UNC13C: variants seen among roughly 807,000 people sequenced by gnomAD.
UNC13C encodes the protein protein unc-13 homolog C.
Under a neutral mutation model 245.4 loss-of-function variants are expected in UNC13C, and 174 were observed. The ratio of observed to expected loss-of-function variants is 0.71; its 90% confidence interval spans 0.63 to 0.80. UNC13C has a LOEUF of 0.80. UNC13C is among the 30% of genes least tolerant of loss of function. The pLI, the probability that UNC13C is intolerant of heterozygous loss-of-function variation, is 0.00. For synonymous variants in UNC13C, 992 were observed against 895.1 expected (o/e 1.11, Z -1.93); for missense variants, 2,829 against 2,602.9 (o/e 1.09, Z -1.89).
At chr15:54,358,724 G>A (rs2039156986) in intron 17 of UNC13C, among the ~76,000 whole-genome samples, 1 of 151,864 alleles carries the variant, frequency 6.6e-6, no homozygotes, top group Non-Finnish European at 1.5e-5. Context: ...TGGAGTCTTT[G>A]GGATTTTCTG....
chr15:54,210,381 T>C (rs1052631610), intron 4 of UNC13C, among the ~76,000 whole-genome samples: 1 of 151,922 alleles, frequency 6.6e-6, no homozygotes, highest in African/African-American at 2.4e-5. Flanking sequence ...AGCATGGTCA[T>C]AAATGAGGAT....
intron 26 of UNC13C, among the ~76,000 whole-genome samples, chr15:54,534,318 C>A (rs147491134): frequency 1.3e-5 from 2 of 152,224 alleles, no homozygotes; most frequent in Non-Finnish European, 2.9e-5. Context: ...TAAGCCTTGG[C>A]CCCCTGAAAT....
At chr15:54,347,246 G>A (rs73415766) in intron 17 of UNC13C, among the ~76,000 whole-genome samples, 31,892 of 152,024 alleles carry the variant, frequency 0.21, 3,979 homozygotes, top group East Asian at 0.61. Flanking sequence ...ACCACTCAGC[G>A]AAAGAACTTT....
intron 17 of UNC13C, among the ~76,000 whole-genome samples, chr15:54,376,827 C>T (rs1292358889): frequency 2.0e-5 from 3 of 152,098 alleles, no homozygotes; most frequent in Non-Finnish European, 4.4e-5. Context: ...TTCATGATGT[C>T]CCCCAGAAAG....
chr15:54,193,469 A>G (rs1478741700), intron 4 of UNC13C, among the ~76,000 whole-genome samples: 1 of 151,898 alleles, frequency 6.6e-6, no homozygotes, highest in Non-Finnish European at 1.5e-5. Flanking sequence ...ACCTTTTACT[A>G]CTTCCTTATT....
At chr15:54,046,760 A>C (rs980042473) in intron 2 of UNC13C, among the ~76,000 whole-genome samples, 5 of 151,958 alleles carry the variant, frequency 3.3e-5, no homozygotes, top group Admixed American at 1.3e-4. Flanking sequence ...TATAAACAGT[A>C]CAACTTATAA....
chr15:54,537,269 C>A (rs1414652129), intron 26 of UNC13C, among the ~76,000 whole-genome samples: 2 of 151,864 alleles, frequency 1.3e-5, no homozygotes, highest in Non-Finnish European at 2.9e-5. Flanking sequence ...AGAAATACAG[C>A]TAATGAGAGA....
At chr15:54,521,446 T>C (rs994885979) in intron 24 of UNC13C, among the ~76,000 whole-genome samples, 1 of 152,228 alleles carries the variant, frequency 6.6e-6, no homozygotes, top group Non-Finnish European at 1.5e-5. Flanking sequence ...TTCAAGAGTT[T>C]ATATTGAGCT....
intron 10 of UNC13C, among the ~76,000 whole-genome samples, chr15:54,291,308 T>C (rs1439102973): frequency 6.6e-6 from 1 of 152,012 alleles, no homozygotes; most frequent in Non-Finnish European, 1.5e-5. Flanking sequence ...AGACACAATG[T>C]CATGGATTAA....
chr15:53,841,637 T>A, the UNC13C span, among the ~76,000 whole-genome samples: 11 of 152,284 alleles, frequency 7.2e-5, no homozygotes, highest in African/African-American at 2.6e-4. Context: ...CCCCACAAGG[T>A]AGCTGAGGAA....
rs565732422 is a variant in UNC13C, at chr15:54,134,217, TC to T, written c.2984-8796del. 3.4e-4 allele frequency among the ~76,000 whole-genome samples: 52 copies of T among 151,906 alleles called. No individual in the cohort carries two copies. In the South Asian group the frequency reaches 3.7e-3, roughly 11 times the overall value. On this transcript the variant is annotated intron_variant, in intron 2 of 32. Coordinates refer to ENST00000260323, the MANE Select transcript of UNC13C (RefSeq NM_001080534.3). ...TTGTACACTTTGACCAAAAACTATT[TC>T]CCCCACCCCCAGCCCTGGCAACTAC...
Position 54,322,054 on chromosome 15 carries a change from C to T in UNC13C, c.4384C>T (p.Gln1462Ter). ...TCACACAACAGTTTCAACAAACATA[C>T]AGGTTTCTGCCTCAGATCGATTTGC... ...YAHTTVSTNIQVSASDRFAAT... is the reference protein window; with the variant it reads ...YAHTTVSTNI The change falls in exon 14 of 33, where the codon CAG becomes TAG. Residue 1462 changes from glutamine (Q) to a stop codon, truncating the protein, a stop_gained. Transcript: ENST00000260323. LOFTEE classifies it high-confidence loss of function. The T allele has an allele frequency of 6.3e-7, 1 of 1,588,932 alleles. No homozygotes were observed.
intron 8 of UNC13C, among the ~76,000 whole-genome samples, chr15:54,259,896 G>A (rs2036380730): frequency 6.6e-6 from 1 of 151,738 alleles, no homozygotes; most frequent in Non-Finnish European, 1.5e-5. Context: ...TATTCCACAG[G>A]ATATTTATCA....
chr15:54,074,569 G>A (rs139554879), intron 2 of UNC13C, among the ~76,000 whole-genome samples: 3,170 of 152,238 alleles, frequency 0.021, 112 homozygotes, highest in African/African-American at 0.073. Context: ...GCAGTGGTTT[G>A]TAGTTCTCCT....
chr15:54,455,203 CTCTATATATATATA>C (rs1455069983), intron 19 of UNC13C, among the ~76,000 whole-genome samples: 3 of 27,314 alleles, frequency 1.1e-4, no homozygotes, highest in Admixed American at 4.8e-4. Context: ...CTCTCTCTCT[CTCTATATATATATA>C]TATATATATA....
intron 17 of UNC13C, among the ~76,000 whole-genome samples, chr15:54,376,019 T>G (rs2140890862): frequency 6.6e-6 from 1 of 152,336 alleles, no homozygotes; most frequent in East Asian, 1.9e-4. Context: ...TTACCTTTTC[T>G]TGAGTATTTT....
At chr15:53,869,041 C>T in the UNC13C span, among the ~76,000 whole-genome samples, 1 of 152,006 alleles carries the variant, frequency 6.6e-6, no homozygotes, top group African/African-American at 2.4e-5. Context: ...CTTGGGAGGT[C>T]AAGGCTGCAT....
chr15:54,243,387 G>A (rs1049103150), intron 7 of UNC13C, among the ~76,000 whole-genome samples: 2 of 152,104 alleles, frequency 1.3e-5, no homozygotes, highest in African/African-American at 4.8e-5. Flanking sequence ...GTCTATCATT[G>A]ATGGACATTT....
chr15:54,363,692 C>G (rs2039289588), intron 17 of UNC13C, among the ~76,000 whole-genome samples: 1 of 152,120 alleles, frequency 6.6e-6, no homozygotes, highest in South Asian at 2.1e-4. Flanking sequence ...AGACTGGGAG[C>G]AAGTAGAACA....
Sources: allele counts gnomAD v4.1 joint callset (sites outside exome capture counted in the v4.1 genomes callset), GRCh38; gene constraint gnomAD v4.1.1; transcripts MANE v1.5; gene names NCBI Gene and HGNC (gene_info 2026-07-23, HGNC 2026-07-21).